Variants in PIWIL2 observed in about 807,000 individuals in gnomAD.
PIWIL2 encodes piwi like RNA-mediated gene silencing 2, also known as piwi-like protein 2.
In PIWIL2, 81 loss-of-function variants were observed where a neutral mutation model predicts 116.5. The ratio of observed to expected loss-of-function variants is 0.70; its 90% CI spans 0.58 to 0.84. The LOEUF is 0.84. Ranked by LOEUF, PIWIL2 falls within the 40% of genes least tolerant of loss-of-function variation. The probability of loss-of-function intolerance (pLI) is 0.00; values close to 1 mark genes in which losing one functional copy is unlikely to be tolerated. For missense variants in PIWIL2, 1,272 were observed against 1,212.3 expected (o/e 1.05, Z -0.73); for synonymous variants, 489 against 429.5 (o/e 1.14, Z -1.71).
intron 20 of PIWIL2, among the ~76,000 whole-genome samples, chr8:22,351,483 A>AGATACAT (rs10522644): frequency 2.9e-5 from 3 of 104,842 alleles, no homozygotes; most frequent in African/African-American, 1.0e-4. Context: ...ATATATATAT[A>AGATACAT]ATTTATATCT....
At position 22,288,668 on chromosome 8, in the gene PIWIL2, T is replaced by G; in HGVS notation, c.986+2T>G. 6.2e-7 allele frequency: 1 copy of G among 1,606,506 alleles called. No homozygotes were observed. Among genetic ancestry groups the G allele is most frequent in the South Asian group, 1.1e-5 (1 of 89,972 alleles). On this transcript the variant is annotated splice_donor_variant, in intron 8 of 22. Coordinates refer to ENST00000356766, the MANE Select transcript of PIWIL2 (RefSeq NM_018068.5). LOFTEE classifies it high-confidence loss of function. ...CTTCTACAATGTTGTTTTCCGTCGGTAAGAAAACAGCTGAAGTTCTATTGT... is the reference window on the plus strand; with the variant it reads ...CTTCTACAATGTTGTTTTCCGTCGGGAAGAAAACAGCTGAAGTTCTATTGT...
chr8:22,315,000 C>G (rs1831421320), intron 17 of PIWIL2, 29 bp from the exon 18 acceptor site: 2 of 1,274,580 alleles, frequency 1.6e-6, no homozygotes, highest in Middle Eastern at 1.8e-4. Context: ...ACCTGCTTCT[C>G]CTGACACCTT....
chr8:22,308,602 A>G (rs564448309), intron 14 of PIWIL2, among the ~76,000 whole-genome samples: 72 of 152,212 alleles, frequency 4.7e-4, no homozygotes, highest in African/African-American at 1.6e-3. Flanking sequence ...GCAGTGAGCC[A>G]AGATGGGGCC....
At chr8:22,288,269 G>A (rs980552446) in intron 7 of PIWIL2, among the ~76,000 whole-genome samples, 1 of 142,926 alleles carries the variant, frequency 7.0e-6, no homozygotes, top group Non-Finnish European at 1.5e-5. Flanking sequence ...CTGCACTCCA[G>A]CCTGGGTGAC....
At position 22,276,564 on chromosome 8, in the gene PIWIL2, T is replaced by G. The variant is rs1586523464; in HGVS notation, c.-47+1166T>G. 3.9e-5 allele frequency among the ~76,000 whole-genome samples: 6 copies of G among 152,316 alleles called. No homozygotes were observed. The East Asian group carries it at 1.2e-3, about 29-fold the overall frequency. The stretch of plus-strand genomic sequence containing the variant: ...CCCCTGACCTTGTGATCTGCCCACC[T>G]TGGCCTTCCAGAGTGCTGGGATTAC... On this transcript the variant is annotated intron_variant, in intron 1 of 22. Transcript: ENST00000356766.
chr8:22,280,462 A>C (rs549117851), intron 2 of PIWIL2, among the ~76,000 whole-genome samples: 10 of 152,360 alleles, frequency 6.6e-5, no homozygotes, highest in African/African-American at 2.4e-4. Flanking sequence ...TATAGGGAGA[A>C]CCTAATGAAG....
At chr8:22,294,252 C>T (rs906381632) in intron 10 of PIWIL2, among the ~76,000 whole-genome samples, 18 of 149,142 alleles carry the variant, frequency 1.2e-4, no homozygotes, top group African/African-American at 3.7e-4. Context: ...GCACGAGAAT[C>T]GCTTGAACCC....
At position 22,354,349 on chromosome 8, in the gene PIWIL2, C is replaced by T. The variant is rs368240988; in HGVS notation, c.2736C>T (p.Thr912=). 3.9e-5 allele frequency: 63 copies of T among 1,612,166 alleles called. No individual in the cohort carries two copies. The African/African-American group carries it at 6.1e-4, about 16-fold the overall frequency. The change falls in exon 22 of 23, where the codon ACC becomes ACT. Residue 912 remains threonine (T), a synonymous_variant. Transcript: ENST00000356766. Reference sequence around the variant, plus strand: ...CGCATTATGTCTGTGTTCTCAACACCGCAAACCTGAGCCCTGATCATATGC... The same window carrying T: ...CGCATTATGTCTGTGTTCTCAACACTGCAAACCTGAGCCCTGATCATATGC... ...IPTHYVCVLN[T]ANLSPDHMQR...
chr8:22,329,696 A>G (rs778424810), intron 20 of PIWIL2, among the ~76,000 whole-genome samples: 1 of 152,246 alleles, frequency 6.6e-6, no homozygotes, highest in Non-Finnish European at 1.5e-5. Flanking sequence ...GACTGTAGCA[A>G]TAGTATATAG....
intron 16 of PIWIL2, 36 bp from the exon 17 acceptor site, chr8:22,314,291 TC>T (rs762956125): frequency 8.5e-7 from 1 of 1,176,614 alleles, no homozygotes; most frequent in South Asian, 2.0e-5. Flanking sequence ...CCCAGAGAAT[TC>T]CACAGCCTGA....
At chr8:22,299,939 A>AT (rs929196011) in intron 10 of PIWIL2, among the ~76,000 whole-genome samples, 25 of 147,694 alleles carry the variant, frequency 1.7e-4, no homozygotes, top group East Asian at 5.9e-4. Flanking sequence ...TTATTTTATT[A>AT]TTTTTTTTTT....
intron 14 of PIWIL2, 79 bp downstream of exon 14, chr8:22,308,152 C>A (rs1586563191): frequency 7.1e-6 from 8 of 1,130,452 alleles, no homozygotes; most frequent in Non-Finnish European, 8.7e-6. Context: ...CTTTTGTTGT[C>A]AGTATATTTT....
At chr8:22,316,890 G>A (rs1310053836) in intron 19 of PIWIL2, among the ~76,000 whole-genome samples, 5 of 151,758 alleles carry the variant, frequency 3.3e-5, no homozygotes, top group African/African-American at 4.8e-5. Flanking sequence ...CTGGGTTTTG[G>A]TGATCCTCCC....
At chr8:22,314,975 G>A in intron 17 of PIWIL2, 54 bp from the exon 18 acceptor site, 1 of 900,966 alleles carries the variant, frequency 1.1e-6, no homozygotes, top group East Asian at 2.4e-5. Flanking sequence ...CAGATTTTCT[G>A]AGAGGTTGAT....
chr8:22,344,729 A>T (rs1038795824), intron 20 of PIWIL2, among the ~76,000 whole-genome samples: 14 of 152,122 alleles, frequency 9.2e-5, no homozygotes, highest in African/African-American at 3.4e-4. Flanking sequence ...AAAATAAATT[A>T]TCTGGTCATG....
chr8:22,350,073 G>T (rs557232686), intron 20 of PIWIL2, among the ~76,000 whole-genome samples: 1 of 152,142 alleles, frequency 6.6e-6, no homozygotes, highest in African/African-American at 2.4e-5. Context: ...TAGAGGCCAC[G>T]GATGATGCTA....
At chr8:22,307,678 G>A (rs2132036924) in intron 13 of PIWIL2, among the ~76,000 whole-genome samples, 1 of 151,978 alleles carries the variant, frequency 6.6e-6, no homozygotes, top group East Asian at 1.9e-4. Flanking sequence ...TAGAGACAGA[G>A]TCTTGCCCAT....
intron 20 of PIWIL2, among the ~76,000 whole-genome samples, chr8:22,340,104 G>A (rs181767225): frequency 1.5e-5 from 2 of 131,460 alleles, no homozygotes; most frequent in East Asian, 2.3e-4. Flanking sequence ...CCAGGCTGAA[G>A]TGCAATGGTG....
intron 16 of PIWIL2, among the ~76,000 whole-genome samples, chr8:22,313,200 T>C (rs1831374681): frequency 6.6e-6 from 1 of 152,228 alleles, no homozygotes; most frequent in South Asian, 2.1e-4. Context: ...TGTTCATCTT[T>C]AAGGCATTCC....
Sources: gnomAD v4.1 joint callset for allele counts (sites outside exome capture counted in the v4.1 genomes callset) on GRCh38, gnomAD v4.1.1 for gene constraint, MANE v1.5 for transcripts, NCBI Gene and HGNC (gene_info 2026-07-23, HGNC 2026-07-21) for gene names.